Variants in LRRC4C observed in about 807,000 individuals in gnomAD.
The protein encoded by LRRC4C is leucine-rich repeat-containing protein 4C.
Under a neutral mutation model 33.6 loss-of-function variants are expected in LRRC4C, and 5 were observed. The ratio of observed to expected loss-of-function variants is 0.15; its 90% CI spans 0.08 to 0.31. LRRC4C has a LOEUF of 0.31. LRRC4C is among the 10% of genes least tolerant of loss of function. LRRC4C has a pLI of 1.00. For synonymous variants in LRRC4C, 329 were observed against 302.0 expected (o/e 1.09, Z -0.93); for missense variants, 560 against 796.7 (o/e 0.70, Z 3.58).
intron 1 of LRRC4C, among the ~76,000 whole-genome samples, chr11:41,133,909 G>T (rs751818788): frequency 6.6e-6 from 1 of 152,068 alleles, no homozygotes; most frequent in Non-Finnish European, 1.5e-5. Flanking sequence ...AAGATAGTCT[G>T]CTGAAACTAT....
At chr11:41,055,997 C>A (rs1015801831) in intron 1 of LRRC4C, among the ~76,000 whole-genome samples, 1 of 152,186 alleles carries the variant, frequency 6.6e-6, no homozygotes, top group Non-Finnish European at 1.5e-5. Flanking sequence ...GAAGGACAGC[C>A]ACTGGCATTA....
intron 3 of LRRC4C, among the ~76,000 whole-genome samples, chr11:40,500,596 CT>C (rs1247766364): frequency 6.6e-6 from 1 of 151,820 alleles, no homozygotes; most frequent in Non-Finnish European, 1.5e-5. Context: ...GCTGAAACCC[CT>C]GATAAAACCA....
intron 2 of LRRC4C, among the ~76,000 whole-genome samples, chr11:40,915,527 C>T (rs1421882235): frequency 1.3e-5 from 2 of 152,158 alleles, no homozygotes; most frequent in African/African-American, 4.8e-5. Context: ...CTTCCTTACA[C>T]CTTATACAAG....
chr11:40,499,348 T>A (rs1020675795), intron 3 of LRRC4C, among the ~76,000 whole-genome samples: 1 of 152,104 alleles, frequency 6.6e-6, no homozygotes, highest in Admixed American at 6.6e-5. Flanking sequence ...TATCTGCATA[T>A]CCAAGCATCC....
intron 3 of LRRC4C, among the ~76,000 whole-genome samples, chr11:40,452,810 A>C (rs984907475): frequency 3.8e-4 from 58 of 152,210 alleles, no homozygotes; most frequent in African/African-American, 1.2e-3. Flanking sequence ...GACTGGATTA[A>C]GAAAATGTGG....
chr11:40,413,467 C>T (rs919252602), intron 3 of LRRC4C, among the ~76,000 whole-genome samples: 5 of 152,084 alleles, frequency 3.3e-5, no homozygotes, highest in Non-Finnish European at 7.4e-5. Context: ...CTCTCACGGC[C>T]TCATTCAAAG....
chr11:40,205,188 T>C (rs913621944), intron 5 of LRRC4C, among the ~76,000 whole-genome samples: 6 of 152,326 alleles, frequency 3.9e-5, no homozygotes, highest in Non-Finnish European at 7.3e-5. Context: ...CCTGAAGATA[T>C]AGTAACTCCA....
intron 2 of LRRC4C, among the ~76,000 whole-genome samples, chr11:40,832,470 A>G (rs1952461922): frequency 6.6e-6 from 1 of 152,136 alleles, no homozygotes. Flanking sequence ...GTGACAAATA[A>G]AAAGTAGATA....
intron 2 of LRRC4C, among the ~76,000 whole-genome samples, chr11:40,685,682 TGA>T (rs1461013960): frequency 6.6e-6 from 1 of 151,836 alleles, no homozygotes; most frequent in Non-Finnish European, 1.5e-5. Flanking sequence ...GGATATAGGC[TGA>T]GATAGAAAAA....
chr11:40,952,378 C>G (rs1391842983), intron 1 of LRRC4C, among the ~76,000 whole-genome samples: 1 of 151,890 alleles, frequency 6.6e-6, no homozygotes, highest in East Asian at 1.9e-4. Flanking sequence ...TTCTTTCCCC[C>G]TACTAATTTT....
chr11:41,409,589 G>A (rs947360413), intron 1 of LRRC4C, among the ~76,000 whole-genome samples: 1 of 152,120 alleles, frequency 6.6e-6, no homozygotes, highest in African/African-American at 2.4e-5. Flanking sequence ...TTAAAAAGTG[G>A]CAACAGGTCT....
At chr11:40,443,453 G>C (rs1951485742) in intron 3 of LRRC4C, among the ~76,000 whole-genome samples, 1 of 152,122 alleles carries the variant, frequency 6.6e-6, no homozygotes, top group South Asian at 2.1e-4. Flanking sequence ...TCAAAGACGA[G>C]ACTCATTTTC....
intron 2 of LRRC4C, among the ~76,000 whole-genome samples, chr11:40,782,831 C>T (rs1015524616): frequency 1.3e-5 from 2 of 151,728 alleles, no homozygotes; most frequent in Non-Finnish European, 2.9e-5. Flanking sequence ...TCTGTCTATA[C>T]ATATATGTGT....
chr11:40,884,367 T>A (rs1227815974), intron 2 of LRRC4C, among the ~76,000 whole-genome samples: 1 of 152,180 alleles, frequency 6.6e-6, no homozygotes, highest in East Asian at 1.9e-4. Context: ...AGTGCTGCAA[T>A]AAACATATGT....
chr11:40,248,789 C>T (rs1371385200), intron 4 of LRRC4C, among the ~76,000 whole-genome samples: 3 of 152,070 alleles, frequency 2.0e-5, no homozygotes, highest in African/African-American at 7.2e-5. Context: ...CTTATTTGCT[C>T]ATTACATATT....
At chr11:41,327,188 G>A in intron 1 of LRRC4C, among the ~76,000 whole-genome samples, 1 of 151,946 alleles carries the variant, frequency 6.6e-6, no homozygotes, top group East Asian at 1.9e-4. Context: ...TCATGGTCTT[G>A]GTATCATAAT....
At chr11:40,472,733 T>G (rs2861895) in intron 3 of LRRC4C, among the ~76,000 whole-genome samples, 77,520 of 151,466 alleles carry the variant, frequency 0.51, 20,095 homozygotes, top group East Asian at 0.73. Flanking sequence ...GAAGAAAAGA[T>G]AGTATAATCA....
intron 3 of LRRC4C, among the ~76,000 whole-genome samples, chr11:40,431,964 A>G (rs192331296): frequency 6.6e-6 from 1 of 152,306 alleles, no homozygotes; most frequent in East Asian, 1.9e-4. Flanking sequence ...GACCCAAGGA[A>G]AAGTCAGCCA....
intron 2 of LRRC4C, among the ~76,000 whole-genome samples, chr11:40,826,671 T>A (rs886070613): frequency 1.3e-5 from 2 of 151,990 alleles, no homozygotes; most frequent in African/African-American, 2.4e-5. Flanking sequence ...TGATTATTAA[T>A]CTAGCCTTGA....
Sources: allele counts gnomAD v4.1 joint callset (sites outside exome capture counted in the v4.1 genomes callset), GRCh38; gene constraint gnomAD v4.1.1; transcripts MANE v1.5; gene names NCBI Gene and HGNC (gene_info 2026-07-23, HGNC 2026-07-21).